Variants in ATP10D observed in about 807,000 individuals in gnomAD.
ATP10D encodes ATPase phospholipid transporting 10D (putative), also known as phospholipid-transporting ATPase VD.
Under a neutral mutation model 144.8 loss-of-function variants are expected in ATP10D, and 89 were observed. That is an observed-to-expected ratio of 0.61 (90% CI 0.52 to 0.73). The LOEUF (loss-of-function observed/expected upper bound fraction) is 0.73. Ranked by LOEUF, ATP10D falls within the 30% of genes least tolerant of loss-of-function variation. The pLI is 0.00. For synonymous variants in ATP10D, 571 were observed against 615.1 expected (o/e 0.93, Z 1.06); for missense variants, 1,603 against 1,714.8 (o/e 0.93, Z 1.15).
chr4:47,562,860 T>C (rs183313102), intron 14 of ATP10D, among the ~76,000 whole-genome samples: 10 of 149,742 alleles, frequency 6.7e-5, no homozygotes, highest in South Asian at 2.1e-4. Flanking sequence ...CACACACACA[T>C]ATATACACAA....
intron 1 of ATP10D, among the ~76,000 whole-genome samples, chr4:47,494,172 T>G (rs1406377521): frequency 6.6e-6 from 1 of 152,192 alleles, no homozygotes; most frequent in Admixed American, 6.5e-5. Context: ...AAAACAGAAT[T>G]AAACTAAACT....
Position 47,576,769 on chromosome 4 carries a change from C to T in ATP10D, c.3367-4C>T, listed in dbSNP as rs936643843. On this transcript the variant is annotated splice_region_variant and splice_polypyrimidine_tract_variant and intron_variant, in intron 18 of 22. Transcript: ENST00000273859. Reference sequence around the variant, plus strand: ...GATCTGAATGTCCTTCTTTGTGTCTCTAGGCCTATGTGAACCTCCTTTTCT... The same window carrying T: ...GATCTGAATGTCCTTCTTTGTGTCTTTAGGCCTATGTGAACCTCCTTTTCT... 1.2e-6 allele frequency: 2 copies of T among 1,612,826 alleles called. No homozygotes were observed. Among genetic ancestry groups the T allele is most frequent in the Non-Finnish European group, 1.7e-6 (2 of 1,178,812 alleles).
intron 1 of ATP10D, among the ~76,000 whole-genome samples, chr4:47,489,459 A>G (rs1560403205): frequency 6.6e-6 from 1 of 152,154 alleles, no homozygotes; most frequent in Admixed American, 6.5e-5. Context: ...AATAGTATTT[A>G]TATTTGGGTG....
At chr4:47,535,465 C>A (rs756806885) in intron 5 of ATP10D, 44 bp from the exon 6 acceptor site, 10 of 1,468,868 alleles carry the variant, frequency 6.8e-6, no homozygotes, top group Non-Finnish European at 9.3e-6. Flanking sequence ...TATATCCCCA[C>A]TTTTGCTGTT....
At chr4:47,529,124 T>G (rs1297822457) in intron 5 of ATP10D, among the ~76,000 whole-genome samples, 1 of 152,214 alleles carries the variant, frequency 6.6e-6, no homozygotes, top group Non-Finnish European at 1.5e-5. Flanking sequence ...TCTTTTGCTA[T>G]GTAGAAGCCA....
At chr4:47,529,274 T>A (rs1717434232) in intron 5 of ATP10D, among the ~76,000 whole-genome samples, 1 of 152,192 alleles carries the variant, frequency 6.6e-6, no homozygotes, top group South Asian at 2.1e-4. Context: ...TAGTTTCAGG[T>A]CTTACATTTG....
intron 16 of ATP10D, among the ~76,000 whole-genome samples, chr4:47,571,471 C>G (rs1235177210): frequency 6.6e-6 from 1 of 151,972 alleles, no homozygotes; most frequent in Non-Finnish European, 1.5e-5. Flanking sequence ...CACTTGCTTA[C>G]CTATAAATAT....
chr4:47,512,559 TG>T lies in ATP10D; in HGVS notation c.22del (p.Ala8ProfsTer8). 9.3e-6 allele frequency: 15 copies of T among 1,613,570 alleles called. No individual in the cohort carries two copies. Among genetic ancestry groups the T allele is most frequent in the Non-Finnish European group, 1.3e-5 (15 of 1,179,632 alleles). Reference sequence around the variant, plus strand: ...TTTGGATATGACTGAGGCTCTCCAATGGGCCAGATATCACTGGCGACGGCTG... The same window carrying T: ...TTTGGATATGACTGAGGCTCTCCAATGGCCAGATATCACTGGCGACGGCTG... MTEALQ[W>X]ARYHWRRLIR... On this transcript the variant is annotated frameshift_variant, in exon 2 of 23. Coordinates refer to ENST00000273859, the MANE Select transcript of ATP10D (RefSeq NM_020453.4). LOFTEE classifies it high-confidence loss of function.
chr4:47,549,868 C>T (rs1718635928), intron 10 of ATP10D, among the ~76,000 whole-genome samples: 1 of 151,646 alleles, frequency 6.6e-6, no homozygotes, highest in Non-Finnish European at 1.5e-5. Flanking sequence ...GCACGTGGTA[C>T]GTGCAGACGT....
intron 9 of ATP10D, among the ~76,000 whole-genome samples, chr4:47,539,342 T>C (rs1474719021): frequency 6.6e-6 from 1 of 152,116 alleles, no homozygotes; most frequent in Non-Finnish European, 1.5e-5. Flanking sequence ...ACCATGCAAA[T>C]GTAAAATATA....
intron 18 of ATP10D, among the ~76,000 whole-genome samples, chr4:47,575,654 C>T (rs1385480855): frequency 6.6e-6 from 1 of 152,156 alleles, no homozygotes; most frequent in Non-Finnish European, 1.5e-5. Flanking sequence ...AGTTTGAATA[C>T]TGGTTCTGCT....
chr4:47,513,064 G>A (rs1716440063), intron 2 of ATP10D, among the ~76,000 whole-genome samples: 1 of 152,150 alleles, frequency 6.6e-6, no homozygotes, highest in Admixed American at 6.6e-5. Context: ...CATATTATAG[G>A]TTAGGAAATG....
intron 21 of ATP10D, among the ~76,000 whole-genome samples, chr4:47,585,373 A>C (rs547804495): frequency 2.6e-5 from 4 of 152,034 alleles, no homozygotes; most frequent in Non-Finnish European, 4.4e-5. Context: ...TTGTGGGTAC[A>C]TAGTAGGTGT....
chr4:47,580,991 AGGTCTAG>A, intron 20 of ATP10D, among the ~76,000 whole-genome samples: 1 of 152,304 alleles, frequency 6.6e-6, no homozygotes, highest in South Asian at 2.1e-4. Context: ...TGAGCCCAGG[AGGTCTAG>A]GCTGCAGTGA....
chr4:47,505,770 A>T (rs1305869121), intron 1 of ATP10D, among the ~76,000 whole-genome samples: 4 of 152,184 alleles, frequency 2.6e-5, no homozygotes. Flanking sequence ...AAAGAAAAAA[A>T]AAAGAAACCT....
chr4:47,572,218 A>G lies in ATP10D; in HGVS notation c.3228A>G (p.Gln1076=). 1 of 1,614,114 alleles carries G rather than the reference A, an allele frequency of 6.2e-7. No individual in the cohort carries two copies. Among genetic ancestry groups the G allele is most frequent in the Non-Finnish European group, 8.5e-7 (1 of 1,180,000 alleles). The part of the protein sequence containing the change: ...VADIGIGVSG[Q]EGMQAVMASD... ...ACATTGGGATAGGGGTCTCAGGTCA[A>G]GAAGGCATGCAGGTGAGTGGATATT... Residue 1076 remains glutamine, a synonymous_variant, in exon 17 of 23, where the codon CAA becomes CAG. Coordinates refer to ENST00000273859, the MANE Select transcript of ATP10D (RefSeq NM_020453.4).
Position 47,592,119 on chromosome 4 carries a change from C to A in ATP10D, c.*738C>A, listed in dbSNP as rs112749544. 1,425 of 152,562 alleles carry A rather than the reference C, an allele frequency of 9.3e-3. 9 individuals are homozygous for A. The highest frequency in any genetic ancestry group is 0.015 in the Non-Finnish European group (1,036 of 67,978). 9.5% of individuals were successfully genotyped at this position (152,562 alleles called of 1,614,324 possible). ...CTGTCAGGTTCCAATCAAGAGAAGA[C>A]CTTTTATGAGATCTGCCTCTGTATA... On this transcript the variant is annotated 3_prime_UTR_variant, in exon 23 of 23. Coordinates refer to ENST00000273859, the MANE Select transcript of ATP10D (RefSeq NM_020453.4).
intron 1 of ATP10D, among the ~76,000 whole-genome samples, chr4:47,503,688 G>T (rs1022812207): frequency 1.3e-5 from 2 of 152,086 alleles, no homozygotes; most frequent in African/African-American, 4.8e-5. Context: ...CTTGAGCCCA[G>T]AAGTTTGAGA....
intron 3 of ATP10D, among the ~76,000 whole-genome samples, chr4:47,517,133 G>A (rs982448800): frequency 1.3e-5 from 2 of 152,072 alleles, no homozygotes; most frequent in African/African-American, 4.8e-5. Context: ...ATAATTTCAG[G>A]CCAGGTGCAG....
Sources: gnomAD v4.1 joint callset for allele counts (sites outside exome capture counted in the v4.1 genomes callset) on GRCh38, gnomAD v4.1.1 for gene constraint, MANE v1.5 for transcripts, NCBI Gene and HGNC (gene_info 2026-07-23, HGNC 2026-07-21) for gene names.